Variants in ITGA9 observed in about 807,000 individuals in gnomAD.
The protein encoded by ITGA9 is integrin alpha-9.
A neutral mutation model predicts 127.8 loss-of-function variants in ITGA9; 56 were observed. The ratio of observed to expected loss-of-function variants is 0.44; its 90% confidence interval spans 0.35 to 0.55. The LOEUF (loss-of-function observed/expected upper bound fraction) is 0.55. Among genes scored for constraint, ITGA9 ranks in the 20% least tolerant of loss-of-function variants. ITGA9 has a pLI of 0.00. For synonymous variants in ITGA9, 508 were observed against 514.5 expected, an observed-to-expected ratio of 0.99 and a Z score of 0.17; for missense variants, 1,196 against 1,347.1, an observed-to-expected ratio of 0.89 and a Z score of 1.76.
chr3:37,620,123 T>C (rs1575169845), intron 15 of ITGA9, among the ~76,000 whole-genome samples: 1 of 152,350 alleles, frequency 6.6e-6, no homozygotes, highest in East Asian at 1.9e-4. Context: ...AACCATCATA[T>C]GTCCAGTCCT....
chr3:37,618,729 G>T (rs867489610), intron 15 of ITGA9, among the ~76,000 whole-genome samples: 2 of 152,242 alleles, frequency 1.3e-5, no homozygotes, highest in African/African-American at 4.8e-5. Flanking sequence ...CTAGCAATGA[G>T]CAAGGCTCCG....
At chr3:37,544,246 G>A (rs1699304496) in intron 15 of ITGA9, among the ~76,000 whole-genome samples, 1 of 152,202 alleles carries the variant, frequency 6.6e-6, no homozygotes, top group African/African-American at 2.4e-5. Flanking sequence ...GCAGGCCAGA[G>A]GAAGGGCTGT....
At chr3:37,459,497 G>A (rs956353679) in intron 1 of ITGA9, among the ~76,000 whole-genome samples, 1 of 152,186 alleles carries the variant, frequency 6.6e-6, no homozygotes, top group Non-Finnish European at 1.5e-5. Flanking sequence ...TCATTCATAG[G>A]TTATATCCTC....
intron 15 of ITGA9, among the ~76,000 whole-genome samples, chr3:37,626,213 A>G (rs1460754695): frequency 2.6e-5 from 4 of 152,214 alleles, no homozygotes; most frequent in South Asian, 2.1e-4. Context: ...GTAATTTTTT[A>G]GGATGATGTC....
chr3:37,470,271 TCAG>T (rs1405511424), intron 1 of ITGA9, among the ~76,000 whole-genome samples: 1 of 152,088 alleles, frequency 6.6e-6, no homozygotes. Context: ...AGGTGCATGT[TCAG>T]CTTTATTAGG....
At chr3:37,593,384 G>A (rs1699838647) in intron 15 of ITGA9, among the ~76,000 whole-genome samples, 1 of 152,190 alleles carries the variant, frequency 6.6e-6, no homozygotes, top group South Asian at 2.1e-4. Context: ...GGAACCCATA[G>A]ATACAGAGGG....
At position 37,589,866 on chromosome 3, in the gene ITGA9, A is replaced by G. The variant is rs112284312; in HGVS notation, c.1690-39321A>G. 3.2e-3 allele frequency among the ~76,000 whole-genome samples: 480 copies of G among 152,094 alleles called. 2 individuals carry two copies. The highest frequency in any genetic ancestry group is 0.011 in the African/African-American group (452 of 41,458). ...AAGGACTTGGCTTTTACTCATTGCA[A>G]AGTACGGAGGGGACAAATGACATGA... On this transcript the variant is annotated intron_variant, in intron 15 of 27. Transcript: ENST00000264741.
intron 1 of ITGA9, among the ~76,000 whole-genome samples, chr3:37,456,276 A>G (rs1046392461): frequency 3.9e-5 from 6 of 152,074 alleles, no homozygotes; most frequent in Non-Finnish European, 7.4e-5. Flanking sequence ...TTTTTTTCTA[A>G]TAACACCCAG....
chr3:37,640,205 G>A (rs1237193047), intron 16 of ITGA9, among the ~76,000 whole-genome samples: 1 of 152,186 alleles, frequency 6.6e-6, no homozygotes, highest in Admixed American at 6.5e-5. Flanking sequence ...TTCCAAATGG[G>A]GAGAGGAGCC....
chr3:37,669,241 C>T (rs1195633806), intron 17 of ITGA9, among the ~76,000 whole-genome samples: 2 of 152,212 alleles, frequency 1.3e-5, no homozygotes, highest in Admixed American at 6.5e-5. Flanking sequence ...CACAGTGGCC[C>T]GTCCTTTGGT....
rs577396829 is a variant in ITGA9, at chr3:37,588,383, G to A, written c.1690-40804G>A. On this transcript the variant is annotated intron_variant, in intron 15 of 27. Coordinates refer to ENST00000264741, the MANE Select transcript of ITGA9 (RefSeq NM_002207.3). ...ATGGCAATGGGCCTTCTGTGCATGCGTGTGTGGACACCCATCCAAGCTTCG... is the reference window on the plus strand; with the variant it reads ...ATGGCAATGGGCCTTCTGTGCATGCATGTGTGGACACCCATCCAAGCTTCG... Among the ~76,000 whole-genome samples, 303 of 146,358 alleles carry A rather than the reference G, an allele frequency of 2.1e-3. 1 individual carries two copies. The Middle Eastern group carries it at 0.038, about 18-fold the overall frequency.
intron 16 of ITGA9, among the ~76,000 whole-genome samples, chr3:37,647,415 T>C (rs1161104598): frequency 6.6e-6 from 1 of 152,154 alleles, no homozygotes; most frequent in Non-Finnish European, 1.5e-5. Context: ...AAATGGCTAC[T>C]ATGGTCAAGC....
intron 8 of ITGA9, among the ~76,000 whole-genome samples, chr3:37,513,469 G>T (rs1230905862): frequency 2.6e-5 from 4 of 151,824 alleles, no homozygotes; most frequent in Non-Finnish European, 5.9e-5. Context: ...AAGTTTTAGG[G>T]TACATGTGCA....
chr3:37,488,363 G>C (rs1223134473), intron 4 of ITGA9, among the ~76,000 whole-genome samples: 2 of 152,000 alleles, frequency 1.3e-5, no homozygotes, highest in East Asian at 3.9e-4. Context: ...ATAATGCATA[G>C]TAAGTTGCAT....
chr3:37,452,515 C>T lies in ITGA9; in HGVS notation c.141C>T (p.Phe47=), dbSNP rs756664319. The T allele has an allele frequency of 2.1e-5, 32 of 1,527,908 alleles. No individual in the cohort carries two copies. The Admixed American group carries it at 3.8e-4, about 18-fold the overall frequency. The allele number at this position is 1,527,908 out of a possible 1,614,324, so 94.6% of individuals were successfully genotyped here. The change falls in exon 1 of 28, where the codon TTC becomes TTT. Residue 47 remains phenylalanine (F), a synonymous_variant. Coordinates refer to ENST00000264741, the MANE Select transcript of ITGA9 (RefSeq NM_002207.3). The surrounding 1 kb of genome is among the most constrained non-coding windows in gnomAD (Gnocchi z 7.3). ...ACTTCCAGGGCCCCGCTGACTCGTT[C>T]TTCGGCTACGCAGTTCTGGAGCATT... is the stretch of plus-strand genomic sequence containing the variant. ...PVHFQGPADS[F]FGYAVLEHFH... is the part of the protein sequence containing the mutation.
chr3:37,671,772 T>C (rs1226566228), intron 17 of ITGA9, among the ~76,000 whole-genome samples: 2 of 152,140 alleles, frequency 1.3e-5, no homozygotes, highest in African/African-American at 4.8e-5. Context: ...ACCATATGGA[T>C]CTGTTTTGCC....
intron 1 of ITGA9, among the ~76,000 whole-genome samples, chr3:37,467,332 T>G (rs1698383537): frequency 6.6e-6 from 1 of 152,240 alleles, no homozygotes; most frequent in East Asian, 1.9e-4. Flanking sequence ...TCAGCTATTG[T>G]TGTTAGAACC....
At chr3:37,786,399 C>T (rs890978439) in intron 26 of ITGA9, among the ~76,000 whole-genome samples, 1 of 152,046 alleles carries the variant, frequency 6.6e-6, no homozygotes, top group Non-Finnish European at 1.5e-5. Context: ...ATCAGGAGTT[C>T]AAGACCAACA....
intron 17 of ITGA9, among the ~76,000 whole-genome samples, chr3:37,659,324 T>C (rs1185746797): frequency 1.3e-5 from 2 of 152,238 alleles, no homozygotes; most frequent in East Asian, 1.9e-4. Context: ...CAATCAAATG[T>C]AGGTTTGGTC....
Sources: allele counts gnomAD v4.1 joint callset (sites outside exome capture counted in the v4.1 genomes callset), GRCh38; gene constraint gnomAD v4.1.1; non-coding constraint Gnocchi (gnomAD v3.1); transcripts MANE v1.5; gene names NCBI Gene and HGNC (gene_info 2026-07-23, HGNC 2026-07-21).